The following SASH1 variants were observed in gnomAD, a reference collection of about 807,000 sequenced individuals.
The protein encoded by SASH1 is SAM and SH3 domain-containing protein 1.
In SASH1, 44 loss-of-function variants were observed where a neutral mutation model predicts 125.2. The ratio of observed to expected loss-of-function variants is 0.35; its 90% CI spans 0.28 to 0.45. The LOEUF is 0.45. SASH1 is among the 20% of genes least tolerant of loss of function. The probability of loss-of-function intolerance (pLI) is 1.00; values close to 1 mark genes in which losing one functional copy is unlikely to be tolerated. For missense variants in SASH1, 1,426 were observed against 1,614.5 expected, an observed-to-expected ratio of 0.88 and a Z score of 2.00; for synonymous variants, 639 against 649.1, an observed-to-expected ratio of 0.98 and a Z score of 0.24.
At chr6:148,525,057 T>C in intron 10 of SASH1, 1 of 515,318 alleles carries the variant, frequency 1.9e-6, no homozygotes, top group South Asian at 2.3e-5. Context: ...TTAAGGGGAT[T>C]CTAGACCTCT....
At chr6:148,195,699 G>A in the SASH1 span, among the ~76,000 whole-genome samples, 3 of 152,218 alleles carry the variant, frequency 2.0e-5, no homozygotes. Flanking sequence ...GCCTCGGGGA[G>A]CTGGTGGCAA....
intron 1 of SASH1, among the ~76,000 whole-genome samples, chr6:148,359,652 A>G (rs926789284): frequency 1.3e-5 from 2 of 152,176 alleles, no homozygotes; most frequent in African/African-American, 4.8e-5. Context: ...CCTATTTTGA[A>G]AGAGGTTCTG....
At chr6:148,406,542 G>A (rs10457833) in intron 2 of SASH1, among the ~76,000 whole-genome samples, 54,569 of 152,074 alleles carry the variant, frequency 0.36, 10,178 homozygotes, top group Non-Finnish European at 0.42. Flanking sequence ...CAGCTTGTGG[G>A]GGATCATGGA....
Position 148,524,177 on chromosome 6 carries a change from C to T in SASH1, c.1210-1114C>T, listed in dbSNP as rs371733849. Among the ~76,000 whole-genome samples, 18 of 130,796 alleles carry T rather than the reference C, an allele frequency of 1.4e-4. No individual in the cohort carries two copies. In the East Asian group the frequency reaches 3.6e-3, roughly 26 times the overall value. The allele number at this position is 130,796 out of a possible 152,430, so 85.8% of individuals were successfully genotyped here. On this transcript the variant is annotated intron_variant, in intron 10 of 19. Coordinates refer to ENST00000367467, the MANE Select transcript of SASH1 (RefSeq NM_015278.5). ...TATATTAGGTTGGTGCAAAAGTAAT[C>T]GCAGTTTTTACCATTGAAAATAATG...
rs537945045 is a variant in SASH1, at chr6:148,467,393, C to T, written c.387-1152C>T. On this transcript the variant is annotated intron_variant, in intron 4 of 19. Coordinates refer to ENST00000367467, the MANE Select transcript of SASH1 (RefSeq NM_015278.5). ...CAATTTTAACTTTCTTTGGCTTTCCCGCTTTCTTTCTTTAAATTTTGTTTG... is the reference window on the plus strand; with the variant it reads ...CAATTTTAACTTTCTTTGGCTTTCCTGCTTTCTTTCTTTAAATTTTGTTTG... Among the ~76,000 whole-genome samples the T allele has an allele frequency of 4.6e-5, 7 of 152,074 alleles. No homozygotes were observed. In the East Asian group the frequency reaches 1.2e-3, roughly 25 times the overall value.
At chr6:148,427,410 A>T (rs1208250114) in intron 2 of SASH1, among the ~76,000 whole-genome samples, 1 of 152,208 alleles carries the variant, frequency 6.6e-6, no homozygotes, top group East Asian at 1.9e-4. Flanking sequence ...GATTACATTT[A>T]TATAACATGA....
At chr6:148,490,013 T>TA (rs57304766) in intron 8 of SASH1, among the ~76,000 whole-genome samples, 23,066 of 124,742 alleles carry the variant, frequency 0.18, 2,298 homozygotes, top group Middle Eastern at 0.23. Flanking sequence ...ATCCTGTCTT[T>TA]AAAAAAAAAA....
At position 148,537,493 on chromosome 6, in the gene SASH1, A is replaced by G. The variant is rs538127632; in HGVS notation, c.2095+2592A>G. 3.3e-5 allele frequency among the ~76,000 whole-genome samples: 5 copies of G among 152,388 alleles called. No homozygotes were observed. The South Asian group carries it at 8.3e-4, about 25-fold the overall frequency. On this transcript the variant is annotated intron_variant, in intron 16 of 19. Transcript: ENST00000367467. ...TTTCTAAGTATAAACAATAACTTGT[A>G]TAAGAATTCTAATTAGGAATTATTT... is the stretch of plus-strand genomic sequence containing the variant.
rs1781740657 is a variant in SASH1 at position 148,534,768 on chromosome 6, C to T, written c.1962C>T (p.Phe654=). ...RINLKEHMPT[F]LFNGYEDLDT... ...TCTCACAGGAGCACATGCCCACTTT[C>T]CTGTTCAATGGATATGAAGATTTGG... Residue 654 remains phenylalanine, a synonymous_variant, in exon 16 of 20, where the codon TTC becomes TTT. Coordinates refer to ENST00000367467, the MANE Select transcript of SASH1 (RefSeq NM_015278.5). The T allele has an allele frequency of 6.2e-7, 1 of 1,614,224 alleles. No individual in the cohort carries two copies. The highest frequency in any genetic ancestry group is 8.5e-7 in the Non-Finnish European group (1 of 1,180,044).
At chr6:148,482,515 C>T (rs1778670236) in intron 7 of SASH1, among the ~76,000 whole-genome samples, 1 of 151,174 alleles carries the variant, frequency 6.6e-6, no homozygotes, top group Non-Finnish European at 1.5e-5. Context: ...GATGTTTTGG[C>T]ATGGTGAACT....
chr6:148,230,870 G>A, the SASH1 span, among the ~76,000 whole-genome samples: 1 of 152,150 alleles, frequency 6.6e-6, no homozygotes, highest in East Asian at 1.9e-4. Context: ...TATTTATTCT[G>A]AATACAAATT....
At position 148,514,458 on chromosome 6, in the gene SASH1, TAAAAAAA is replaced by T. The variant is rs10710533; in HGVS notation, c.862+24_862+30del. ...AAATGAAAAAACCCAGCACTGAAGG[TAAAAAAA>T]AAAAAAAAAAAAAAAAAAAAAGGCA... On this transcript the variant is annotated splice_donor_5th_base_variant and intron_variant, in intron 9 of 19. Transcript: ENST00000367467. 0.014 allele frequency: 7,732 copies of T among 570,338 alleles called. No individual in the cohort carries two copies. The highest frequency in any genetic ancestry group is 0.034 in the East Asian group (291 of 8,654). 35.3% of individuals were successfully genotyped at this position (570,338 alleles called of 1,614,324 possible).
chr6:148,527,933 T>C (rs1210903786), intron 12 of SASH1, among the ~76,000 whole-genome samples: 1 of 146,396 alleles, frequency 6.8e-6, no homozygotes, highest in Non-Finnish European at 1.5e-5. Flanking sequence ...TTTTCTAAAC[T>C]ATGCCTTGCT....
intron 1 of SASH1, among the ~76,000 whole-genome samples, chr6:148,322,900 C>CTTTCTTTCTT (rs1443698620): frequency 1.5e-5 from 2 of 129,268 alleles, no homozygotes; most frequent in Admixed American, 7.9e-5. Context: ...TTCTTTCTTT[C>CTTTCTTTCTT]TCTCTCTTTC....
chr6:148,332,441 C>T (rs1366581468), intron 1 of SASH1, among the ~76,000 whole-genome samples: 1 of 152,114 alleles, frequency 6.6e-6, no homozygotes, highest in Non-Finnish European at 1.5e-5. Flanking sequence ...CTGCTATAAG[C>T]AGAAAATGTG....
chr6:148,548,610 A>G lies in SASH1; in HGVS notation c.*52A>G. Reference sequence around the variant, plus strand: ...CAAGAGCCACCCTTTCACTGTGCATATGATGCTGATGCAATTCCTCCATCA... The same window carrying G: ...CAAGAGCCACCCTTTCACTGTGCATGTGATGCTGATGCAATTCCTCCATCA... On this transcript the variant is annotated 3_prime_UTR_variant, in exon 20 of 20. Transcript: ENST00000367467. 1 of 1,513,722 alleles carries G rather than the reference A, an allele frequency of 6.6e-7. No individual in the cohort carries two copies. Among genetic ancestry groups the G allele is most frequent in the Non-Finnish European group, 8.9e-7 (1 of 1,129,642 alleles). The allele number at this position is 1,513,722 out of a possible 1,614,324, so 93.8% of individuals were successfully genotyped here. A position where few individuals can be genotyped will look rare whatever the true frequency, so the allele number is the denominator to read the frequency against.
the SASH1 span, among the ~76,000 whole-genome samples, chr6:148,237,116 G>A: frequency 1.3e-5 from 2 of 152,006 alleles, no homozygotes; most frequent in Admixed American, 6.6e-5. Flanking sequence ...AGCAGAAAAT[G>A]GACTAAGATA....
At chr6:148,482,052 A>G (rs1256712745) in intron 7 of SASH1, among the ~76,000 whole-genome samples, 13 of 152,224 alleles carry the variant, frequency 8.5e-5, no homozygotes, top group Admixed American at 3.9e-4. Context: ...TACTAATTCC[A>G]TAAGATGTAG....
At chr6:148,335,438 C>T (rs1345400995) in intron 1 of SASH1, among the ~76,000 whole-genome samples, 1 of 138,420 alleles carries the variant, frequency 7.2e-6, no homozygotes, top group Non-Finnish European at 1.5e-5. Flanking sequence ...GCACTCCAGC[C>T]TGGGCAACAG....
Sources: allele counts gnomAD v4.1 joint callset (sites outside exome capture counted in the v4.1 genomes callset), GRCh38; gene constraint gnomAD v4.1.1; transcripts MANE v1.5; gene names NCBI Gene and HGNC (gene_info 2026-07-23, HGNC 2026-07-21).